ZFAT: variants seen among roughly 807,000 people sequenced by gnomAD.
The protein encoded by ZFAT is zinc finger and AT-hook domain containing, also known as zinc finger protein ZFAT.
ZFAT carries 64 observed loss-of-function variants against 117.7 expected under a neutral mutation model. The ratio of observed to expected loss-of-function variants is 0.54; its 90% CI spans 0.44 to 0.67. The LOEUF is 0.67. ZFAT is among the 30% of genes least tolerant of loss of function. ZFAT has a pLI of 0.00. For synonymous variants in ZFAT, 679 were observed against 615.0 expected, an observed-to-expected ratio of 1.10 and a Z score of -1.54; for missense variants, 1,433 against 1,584.5, an observed-to-expected ratio of 0.90 and a Z score of 1.62.
chr8:134,761,196 C>T, the ZFAT span, among the ~76,000 whole-genome samples: 2 of 152,058 alleles, frequency 1.3e-5, no homozygotes, highest in South Asian at 4.2e-4. Context: ...CTATTGAGCC[C>T]CTACTGTGGG....
chr8:134,823,406 T>C, the ZFAT span, among the ~76,000 whole-genome samples: 4 of 152,224 alleles, frequency 2.6e-5, no homozygotes, highest in Non-Finnish European at 5.9e-5. Flanking sequence ...TTAACATGTA[T>C]TGAGTATTTT....
At chr8:134,758,684 G>C in the ZFAT span, among the ~76,000 whole-genome samples, 1 of 152,226 alleles carries the variant, frequency 6.6e-6, no homozygotes, top group African/African-American at 2.4e-5. Context: ...ACTTGTCTCT[G>C]GCAACTTATC....
intron 13 of ZFAT, among the ~76,000 whole-genome samples, chr8:134,517,184 T>C (rs1299898991): frequency 6.6e-6 from 1 of 152,222 alleles, no homozygotes; most frequent in Non-Finnish European, 1.5e-5. Context: ...CTCCACGTAG[T>C]CACCAATTTG....
At chr8:134,739,346 T>G in the ZFAT span, among the ~76,000 whole-genome samples, 1 of 152,012 alleles carries the variant, frequency 6.6e-6, no homozygotes, top group South Asian at 2.1e-4. Flanking sequence ...TGCATGCTCT[T>G]GAACCGGGAT....
Position 134,495,259 on chromosome 8 carries a change from C to A in ZFAT, c.3492+14360G>T, listed in dbSNP as rs1046455603. On this transcript the variant is annotated intron_variant, in intron 15 of 15. Coordinates refer to ENST00000377838, the MANE Select transcript of ZFAT (RefSeq NM_020863.4). ...CAGCATGGTTAGGTTACAGTGCGGG[C>A]CCCTCTTCCAAGGGCAGATTATTGA... 3.3e-5 allele frequency among the ~76,000 whole-genome samples: 5 copies of A among 152,152 alleles called. No homozygotes were observed. The East Asian group carries it at 7.7e-4, about 23-fold the overall frequency.
chr8:134,669,683 A>C (rs1832452990), intron 1 of ZFAT, among the ~76,000 whole-genome samples: 1 of 152,258 alleles, frequency 6.6e-6, no homozygotes, highest in Non-Finnish European at 1.5e-5. Flanking sequence ...GCTAGGAAGA[A>C]ACTGCATCAA....
At chr8:134,486,523 A>C (rs1308050945) in intron 15 of ZFAT, among the ~76,000 whole-genome samples, 2 of 152,212 alleles carry the variant, frequency 1.3e-5, no homozygotes, top group Non-Finnish European at 2.9e-5. Flanking sequence ...AGATGTCATT[A>C]ATGTCCTTGA....
chr8:134,734,916 G>T, the ZFAT span, among the ~76,000 whole-genome samples: 2 of 152,180 alleles, frequency 1.3e-5, no homozygotes, highest in African/African-American at 4.8e-5. Context: ...GCCCTGTCCT[G>T]CCTCCACACT....
chr8:134,615,417 G>C (rs1828648110), intron 3 of ZFAT, among the ~76,000 whole-genome samples: 2 of 152,090 alleles, frequency 1.3e-5, no homozygotes, highest in Non-Finnish European at 2.9e-5. Flanking sequence ...TCAAACTCCT[G>C]ACCGCAAGTG....
In ZFAT at chr8:134,583,848, G is replaced by A; in HGVS notation, c.2871C>T (p.Leu957=). The part of the protein sequence containing the change: ...KSKGTLKSHK[L]LHTADGKQFK... ...TTTACTCACCATCTGCAGTGTGAAG[G>A]AGTTTGTGACTTTTCAGTGTCCCTT... The change falls in exon 10 of 16, where the codon CTC becomes CTT. Residue 957 remains leucine (L), a synonymous_variant. Transcript: ENST00000377838. The A allele has an allele frequency of 6.2e-7, 1 of 1,613,710 alleles. No homozygotes were observed. Among genetic ancestry groups the A allele is most frequent in the South Asian group, 1.1e-5 (1 of 90,908 alleles).
At chr8:134,638,216 T>C (rs563931662) in intron 2 of ZFAT, among the ~76,000 whole-genome samples, 1 of 152,310 alleles carries the variant, frequency 6.6e-6, no homozygotes, top group South Asian at 2.1e-4. Flanking sequence ...AAAAAATAAT[T>C]ACAATCTAAA....
chr8:134,536,735 G>T (rs1821869584), intron 11 of ZFAT, among the ~76,000 whole-genome samples: 2 of 152,204 alleles, frequency 1.3e-5, no homozygotes, highest in African/African-American at 2.4e-5. Context: ...AAATGAGGCA[G>T]ATTTGTGATT....
intron 10 of ZFAT, among the ~76,000 whole-genome samples, chr8:134,582,599 A>ATT (rs10661157): frequency 0.026 from 3,961 of 152,058 alleles, 198 homozygotes; most frequent in African/African-American, 0.091. Flanking sequence ...TTGATTATGG[A>ATT]TTTTTTTTAG....
intron 7 of ZFAT, among the ~76,000 whole-genome samples, chr8:134,597,305 T>C (rs1272588284): frequency 2.0e-5 from 3 of 152,178 alleles, no homozygotes; most frequent in African/African-American, 7.2e-5. Context: ...CCTGTTTTCA[T>C]AAATCATGCT....
At chr8:134,568,398 C>T (rs1289761556) in intron 10 of ZFAT, among the ~76,000 whole-genome samples, 2 of 152,248 alleles carry the variant, frequency 1.3e-5, no homozygotes, top group East Asian at 1.9e-4. Flanking sequence ...ACACACTTCT[C>T]CACTGACACA....
At chr8:134,745,769 A>G in the ZFAT span, among the ~76,000 whole-genome samples, 2 of 152,166 alleles carry the variant, frequency 1.3e-5, no homozygotes, top group South Asian at 2.1e-4. Flanking sequence ...GCATTACTTT[A>G]TTTACTCATC....
At chr8:134,807,976 T>C in the ZFAT span, among the ~76,000 whole-genome samples, 10 of 152,346 alleles carry the variant, frequency 6.6e-5, no homozygotes, top group Non-Finnish European at 1.5e-4. Context: ...TATTACTAAC[T>C]GCCCTTTGTA....
At chr8:134,644,718 GCA>G (rs1429335650) in intron 2 of ZFAT, among the ~76,000 whole-genome samples, 7 of 151,314 alleles carry the variant, frequency 4.6e-5, no homozygotes, top group South Asian at 2.1e-4. Context: ...ACGACACACA[GCA>G]CACTCACAAA....
chr8:134,807,079 C>T, the ZFAT span, among the ~76,000 whole-genome samples: 1 of 152,312 alleles, frequency 6.6e-6, no homozygotes, highest in East Asian at 1.9e-4. Context: ...ATACAATCTG[C>T]TGTACAGACA....
Sources: allele counts gnomAD v4.1 joint callset (sites outside exome capture counted in the v4.1 genomes callset), GRCh38; gene constraint gnomAD v4.1.1; transcripts MANE v1.5; gene names NCBI Gene and HGNC (gene_info 2026-07-23, HGNC 2026-07-21).